The following NDST3 variants were observed in gnomAD, a reference collection of about 807,000 sequenced individuals.
NDST3 encodes the protein bifunctional heparan sulfate N-deacetylase/N-sulfotransferase 3.
Under a neutral mutation model 96.1 loss-of-function variants are expected in NDST3, and 58 were observed. The ratio of observed to expected loss-of-function variants is 0.60; its 90% CI spans 0.49 to 0.75. The LOEUF (loss-of-function observed/expected upper bound fraction) is 0.75, where lower values mean the gene tolerates loss of function less well. NDST3 is among the 30% of genes least tolerant of loss of function. The pLI is 0.00. For synonymous variants in NDST3, 333 were observed against 359.7 expected (o/e 0.93, Z 0.84); for missense variants, 788 against 1,034.2 (o/e 0.76, Z 3.27).
intron 6 of NDST3, among the ~76,000 whole-genome samples, chr4:118,215,748 G>C (rs1482470720): frequency 2.0e-5 from 3 of 152,036 alleles, no homozygotes; most frequent in African/African-American, 4.8e-5. Context: ...CAACAAAATG[G>C]AACACCTTTG....
In NDST3 at chr4:118,101,340, C is replaced by G. The variant is rs1370263720; in HGVS notation, c.982-3678C>G. 2.1e-5 allele frequency among the ~76,000 whole-genome samples: 3 copies of G among 142,896 alleles called. No homozygotes were observed. The Admixed American group carries it at 2.2e-4, about 10-fold the overall frequency. 93.7% of individuals were successfully genotyped at this position (142,896 alleles called of 152,430 possible). A position where few individuals can be genotyped will look rare whatever the true frequency, so the allele number is the denominator to read the frequency against. ...AACTAGATATTTTAATGCCTGCAAA[C>G]TTTCTTAGCTTTACAGAATGAAGAC... On this transcript the variant is annotated intron_variant, in intron 2 of 13. Coordinates refer to ENST00000296499, the MANE Select transcript of NDST3 (RefSeq NM_004784.3).
chr4:118,189,030 T>C (rs1370566408), intron 6 of NDST3, among the ~76,000 whole-genome samples: 1 of 152,098 alleles, frequency 6.6e-6, no homozygotes, highest in Non-Finnish European at 1.5e-5. Context: ...TTTTAGAACA[T>C]ATATTAATAA....
At chr4:118,169,480 C>T (rs1735779486) in intron 6 of NDST3, among the ~76,000 whole-genome samples, 1 of 151,944 alleles carries the variant, frequency 6.6e-6, no homozygotes, top group Non-Finnish European at 1.5e-5. Flanking sequence ...CTCATGATTT[C>T]TGTAGGTCAG....
intron 2 of NDST3, among the ~76,000 whole-genome samples, chr4:118,074,262 G>T (rs537234953): frequency 6.6e-6 from 1 of 152,254 alleles, no homozygotes; most frequent in Admixed American, 6.5e-5. Flanking sequence ...GGTTTTGGGT[G>T]GAAAGTTCTG....
At chr4:118,105,626 G>T (rs560269208) in intron 3 of NDST3, among the ~76,000 whole-genome samples, 1 of 152,226 alleles carries the variant, frequency 6.6e-6, no homozygotes, top group African/African-American at 2.4e-5. Context: ...ACTGTCTATA[G>T]GTTATAATTC....
At chr4:118,168,253 G>A (rs13111697) in intron 6 of NDST3, among the ~76,000 whole-genome samples, 123,954 of 151,924 alleles carry the variant, frequency 0.82, 52,873 homozygotes, top group South Asian at 0.95. Flanking sequence ...CAATTAGAAA[G>A]TAAACAAAGA....
At chr4:118,125,893 G>A (rs867645171) in intron 4 of NDST3, among the ~76,000 whole-genome samples, 1 of 151,862 alleles carries the variant, frequency 6.6e-6, no homozygotes, top group Non-Finnish European at 1.5e-5. Flanking sequence ...CTAATCTAAT[G>A]ATCCTGACTT....
Position 118,055,978 on chromosome 4 carries a change from A to C in NDST3, c.981+1087A>C, listed in dbSNP as rs573160042. Among the ~76,000 whole-genome samples, 66 of 152,018 alleles carry C rather than the reference A, an allele frequency of 4.3e-4. No individual in the cohort carries two copies. The South Asian group carries it at 7.5e-3, about 17-fold the overall frequency. Reference sequence around the variant, plus strand: ...GAAAAAAAACTTCCATATTCTTGGCACTATTTTAGTCTCTTCCTTTTAGCT... The same window carrying C: ...GAAAAAAAACTTCCATATTCTTGGCCCTATTTTAGTCTCTTCCTTTTAGCT... On this transcript the variant is annotated intron_variant, in intron 2 of 13. Transcript: ENST00000296499.
chr4:118,182,497 A>G (rs898121850), intron 6 of NDST3, among the ~76,000 whole-genome samples: 11 of 152,184 alleles, frequency 7.2e-5, no homozygotes, highest in African/African-American at 2.7e-4. Context: ...TCACAAATAC[A>G]GTAATCTGTG....
At chr4:118,107,253 G>T (rs1028815451) in intron 3 of NDST3, among the ~76,000 whole-genome samples, 1 of 152,024 alleles carries the variant, frequency 6.6e-6, no homozygotes, top group African/African-American at 2.4e-5. Flanking sequence ...AATGTGAAAA[G>T]AAATCACTCT....
intron 6 of NDST3, among the ~76,000 whole-genome samples, chr4:118,187,379 A>T (rs35553303): frequency 0.052 from 7,869 of 152,314 alleles, 287 homozygotes; most frequent in Non-Finnish European, 0.083. Context: ...AACCACAGAA[A>T]GAGCGATCTA....
chr4:118,093,029 AT>A (rs1553930299), intron 2 of NDST3, among the ~76,000 whole-genome samples: 3 of 150,310 alleles, frequency 2.0e-5, no homozygotes, highest in Non-Finnish European at 4.5e-5. Context: ...GGCAGAGAAA[AT>A]AACAGCATGA....
At chr4:118,043,013 G>A (rs922584936) in intron 1 of NDST3, among the ~76,000 whole-genome samples, 1 of 152,094 alleles carries the variant, frequency 6.6e-6, no homozygotes, top group Non-Finnish European at 1.5e-5. Flanking sequence ...ATTATCTAGG[G>A]GAAAGGATTA....
intron 6 of NDST3, among the ~76,000 whole-genome samples, chr4:118,215,365 AC>A (rs1739129011): frequency 6.6e-6 from 1 of 152,100 alleles, no homozygotes; most frequent in African/African-American, 2.4e-5. Flanking sequence ...AGATTGGTTA[AC>A]CCAATGACTA....
chr4:118,089,494 G>T (rs966864300), intron 2 of NDST3, among the ~76,000 whole-genome samples: 1 of 151,872 alleles, frequency 6.6e-6, no homozygotes. Flanking sequence ...ATCTTTCCCA[G>T]TTTAAGAGTC....
At chr4:118,150,346 A>T (rs944577138) in intron 6 of NDST3, among the ~76,000 whole-genome samples, 4 of 152,220 alleles carry the variant, frequency 2.6e-5, no homozygotes, top group African/African-American at 7.2e-5. Context: ...CATGTCTAAA[A>T]CACCAAAAGC....
intron 2 of NDST3, among the ~76,000 whole-genome samples, chr4:118,069,112 C>T (rs554038875): frequency 6.7e-6 from 1 of 148,598 alleles, no homozygotes; most frequent in African/African-American, 2.4e-5. Flanking sequence ...AGGTACATTG[C>T]TTCTGTGATC....
intron 4 of NDST3, 29 bp downstream of exon 4, chr4:118,114,989 T>C: frequency 6.3e-7 from 1 of 1,597,204 alleles, no homozygotes; most frequent in Non-Finnish European, 8.6e-7. Context: ...TGCATTGAAG[T>C]AGTGTACACT....
At chr4:118,202,931 A>T (rs1487335836) in intron 6 of NDST3, among the ~76,000 whole-genome samples, 2 of 152,150 alleles carry the variant, frequency 1.3e-5, no homozygotes, top group Non-Finnish European at 2.9e-5. Context: ...TCCACTTAGT[A>T]TGATGTTGGC....
Sources: gnomAD v4.1 joint callset for allele counts (sites outside exome capture counted in the v4.1 genomes callset) on GRCh38, gnomAD v4.1.1 for gene constraint, MANE v1.5 for transcripts, NCBI Gene and HGNC (gene_info 2026-07-23, HGNC 2026-07-21) for gene names.